Variants in NDUFA10 observed in about 807,000 individuals in gnomAD.
NDUFA10 encodes the protein NADH dehydrogenase [ubiquinone] 1 alpha subcomplex subunit 10, mitochondrial.
NDUFA10 carries 40 observed loss-of-function variants against 47.8 expected under a neutral mutation model. The observed-to-expected ratio is 0.84, with a 90% CI of 0.65 to 1.09. NDUFA10 has a LOEUF of 1.09. Ranked by LOEUF, NDUFA10 falls within the 50% of genes least tolerant of loss-of-function variation. The probability of loss-of-function intolerance (pLI) is 0.00; values close to 1 mark genes in which losing one functional copy is unlikely to be tolerated. For missense variants in NDUFA10, 413 were observed against 451.1 expected, an observed-to-expected ratio of 0.92 and a Z score of 0.76; for synonymous variants, 183 against 172.2, an observed-to-expected ratio of 1.06 and a Z score of -0.49.
In NDUFA10 at chr2:239,906,354, G is replaced by C. The variant is rs139289413; in HGVS notation, c.295-11040C>G. ...ACCACGCCCTGTTGATAGACGCCGAGGCCATTTTCTGGGATACTCAGGGCA... is the reference window on the plus strand; with the variant it reads ...ACCACGCCCTGTTGATAGACGCCGACGCCATTTTCTGGGATACTCAGGGCA... On this transcript the variant is annotated intron_variant, in intron 4 of 5. Transcript: ENST00000419408. This position sits in a 1 kb window ranked among gnomAD's most constrained non-coding sequence, Gnocchi z 4.3. Among the ~76,000 whole-genome samples the C allele has an allele frequency of 0.019, 2,867 of 152,250 alleles. 35 individuals carry two copies. Among genetic ancestry groups the C allele is most frequent in the Non-Finnish European group, 0.029 (1,942 of 68,006 alleles).
intron 4 of NDUFA10, among the ~76,000 whole-genome samples, chr2:239,897,828 G>A (rs1693425917): frequency 1.3e-5 from 2 of 152,196 alleles, no homozygotes; most frequent in African/African-American, 4.8e-5. Context: ...AGTAGTGGGA[G>A]TGAGCCAGGT....
rs73009334 is a variant in NDUFA10 at position 239,990,372 on chromosome 2, C to T, written c.891-190G>A. Reference sequence around the variant, plus strand: ...AGACCACATGGTCGATCTGGAGCTGCTTTTTAATATTACTCTCAGAACCTG... The same window carrying T: ...AGACCACATGGTCGATCTGGAGCTGTTTTTTAATATTACTCTCAGAACCTG... On this transcript the variant is annotated intron_variant, in intron 8 of 9. Coordinates refer to ENST00000252711, the MANE Select transcript of NDUFA10 (RefSeq NM_004544.4). 0.042 allele frequency among the ~76,000 whole-genome samples: 6,397 copies of T among 152,294 alleles called. 209 individuals carry two copies. The highest frequency in any genetic ancestry group is 0.065 in the Non-Finnish European group (4,397 of 68,022).
At chr2:239,940,861 T>C (rs1471396135) in intron 4 of NDUFA10, among the ~76,000 whole-genome samples, 1 of 152,264 alleles carries the variant, frequency 6.6e-6, no homozygotes, top group Non-Finnish European at 1.5e-5. Context: ...TGTACTGCTA[T>C]CAGTGACCTA....
chr2:239,930,225 C>A (rs1694141844), intron 4 of NDUFA10, among the ~76,000 whole-genome samples: 1 of 132,340 alleles, frequency 7.6e-6, no homozygotes, highest in South Asian at 2.5e-4. Context: ...GCTCCTCAGC[C>A]AGCCCTGCTT....
At chr2:239,953,861 C>T (rs1172910170), downstream of NDUFA10, among the ~76,000 whole-genome samples, 1 of 152,280 alleles carries the variant, frequency 6.6e-6, no homozygotes, top group Non-Finnish European at 1.5e-5. Flanking sequence ...AACCCACACA[C>T]TGGCGTCTCT....
chr2:240,014,300 A>G (rs1230459613), intron 5 of NDUFA10: 1 of 280,878 alleles, frequency 3.6e-6, no homozygotes, highest in African/African-American at 2.2e-5. Context: ...GGTAAGTAAG[A>G]AAAAGGGGGA....
downstream of NDUFA10, among the ~76,000 whole-genome samples, chr2:239,955,102 T>C (rs1487342523): frequency 6.6e-6 from 1 of 152,220 alleles, no homozygotes; most frequent in African/African-American, 2.4e-5. Flanking sequence ...CAAATTTTAT[T>C]TCAATAGGAA....
chr2:239,939,221 G>A (rs531299684), intron 4 of NDUFA10, among the ~76,000 whole-genome samples: 11 of 152,348 alleles, frequency 7.2e-5, no homozygotes, highest in East Asian at 5.8e-4. Context: ...GGGGTCTGTC[G>A]GGTTCCTGCC....
At chr2:239,956,737 C>G (rs886472034), downstream of NDUFA10, among the ~76,000 whole-genome samples, 2 of 152,118 alleles carry the variant, frequency 1.3e-5, no homozygotes, top group Non-Finnish European at 2.9e-5. Flanking sequence ...GAGACAAACG[C>G]GCTCGTTCTG....
intron 9 of NDUFA10, among the ~76,000 whole-genome samples, chr2:239,972,291 C>T (rs1459449039): frequency 2.0e-5 from 3 of 151,886 alleles, no homozygotes; most frequent in Non-Finnish European, 2.9e-5. Flanking sequence ...AACAAAAAAA[C>T]GATTGAGTGA....
intron 4 of NDUFA10, among the ~76,000 whole-genome samples, chr2:239,943,882 T>C (rs953403171): frequency 8.5e-5 from 13 of 152,212 alleles, no homozygotes; most frequent in African/African-American, 3.1e-4. Flanking sequence ...GTTTAGTCCC[T>C]GTCCCTGGAC....
chr2:239,974,028 G>A (rs946163258), intron 9 of NDUFA10, among the ~76,000 whole-genome samples: 14 of 152,176 alleles, frequency 9.2e-5, no homozygotes, highest in Non-Finnish European at 4.4e-5. Context: ...CTGGATTCAA[G>A]TGATTCTCAT....
intron 4 of NDUFA10, among the ~76,000 whole-genome samples, chr2:239,908,423 T>A (rs1033618137): frequency 8.5e-5 from 13 of 152,142 alleles, no homozygotes; most frequent in African/African-American, 2.9e-4. Flanking sequence ...AAAGAAAAGA[T>A]GTCCTGGAGA....
chr2:239,993,372 A>G (rs78882286), intron 8 of NDUFA10, among the ~76,000 whole-genome samples: 2,032 of 152,306 alleles, frequency 0.013, 40 homozygotes, highest in African/African-American at 0.046. Context: ...ACAGCCTACA[A>G]GAGTTAAGGG....
rs373473629 is a variant in NDUFA10, at chr2:239,976,069, T to C, written c.999+14005A>G. 7.2e-5 allele frequency among the ~76,000 whole-genome samples: 11 copies of C among 152,356 alleles called. No individual in the cohort carries two copies. In the East Asian group the frequency reaches 1.9e-3, roughly 27 times the overall value. On this transcript the variant is annotated intron_variant, in intron 9 of 9. Transcript: ENST00000252711. ...AAAGCCCATAAATCCTCAGTATCTA[T>C]GAATCTTAAATTCTGGTTCAAATTC...
At chr2:239,915,047 A>T (rs931068676) in intron 4 of NDUFA10, among the ~76,000 whole-genome samples, 1 of 148,712 alleles carries the variant, frequency 6.7e-6, no homozygotes, top group Non-Finnish European at 1.5e-5. Flanking sequence ...CAGAACACAC[A>T]CATACACAGA....
chr2:239,911,585 C>G, intron 4 of NDUFA10, among the ~76,000 whole-genome samples: 1 of 152,112 alleles, frequency 6.6e-6, no homozygotes, highest in East Asian at 1.9e-4. Flanking sequence ...TGGCATGATT[C>G]AAACCTTTCC....
chr2:239,991,995 T>G (rs1696272186), intron 8 of NDUFA10, among the ~76,000 whole-genome samples: 1 of 152,230 alleles, frequency 6.6e-6, no homozygotes, highest in African/African-American at 2.4e-5. Flanking sequence ...AAGAATCTGT[T>G]GCAATGATTC....
At chr2:239,932,583 ATT>A (rs1334670530) in intron 4 of NDUFA10, among the ~76,000 whole-genome samples, 2 of 147,858 alleles carry the variant, frequency 1.4e-5, no homozygotes, top group Admixed American at 6.8e-5. Flanking sequence ...TGGTCAAAGA[ATT>A]TTTTTTTTTT....
Sources: allele counts gnomAD v4.1 joint callset (sites outside exome capture counted in the v4.1 genomes callset), GRCh38; gene constraint gnomAD v4.1.1; non-coding constraint Gnocchi (gnomAD v3.1); transcripts MANE v1.5; gene names NCBI Gene and HGNC (gene_info 2026-07-23, HGNC 2026-07-21).